AK9: variants seen among roughly 807,000 people sequenced by gnomAD.
AK9 encodes adenylate kinase domain containing 1.
Under a neutral mutation model 239.6 loss-of-function variants are expected in AK9, and 191 were observed. The observed-to-expected ratio is 0.80, with a 90% confidence interval of 0.71 to 0.90. The LOEUF (loss-of-function observed/expected upper bound fraction) is 0.90. AK9 is among the 40% of genes least tolerant of loss of function. The probability of loss-of-function intolerance (pLI) is 0.00; values close to 1 mark genes in which losing one functional copy is unlikely to be tolerated. For missense variants in AK9, 1,995 were observed against 2,214.7 expected (o/e 0.90, Z 1.99); for synonymous variants, 689 against 721.0 (o/e 0.96, Z 0.71).
At chr6:109,687,033 C>G (rs541918941) in intron 1 of AK9, among the ~76,000 whole-genome samples, 2 of 152,290 alleles carry the variant, frequency 1.3e-5, no homozygotes, top group South Asian at 4.1e-4. Context: ...GAAGAGCTGA[C>G]AGAAAATGAA....
intron 17 of AK9, among the ~76,000 whole-genome samples, chr6:109,586,982 G>A (rs192377938): frequency 6.6e-6 from 1 of 151,910 alleles, no homozygotes; most frequent in Admixed American, 6.6e-5. Flanking sequence ...TCTGCTTTTT[G>A]ATTTTTTTTT....
At chr6:109,539,970 T>C (rs1782632175) in intron 27 of AK9, among the ~76,000 whole-genome samples, 1 of 152,088 alleles carries the variant, frequency 6.6e-6, no homozygotes, top group African/African-American at 2.4e-5. Context: ...GGAAGCTTCA[T>C]CTCAGAGGGG....
At chr6:109,623,340 T>G (rs1177459051) in intron 12 of AK9, among the ~76,000 whole-genome samples, 4 of 152,186 alleles carry the variant, frequency 2.6e-5, no homozygotes, top group African/African-American at 9.7e-5. Context: ...TGATAGTGGA[T>G]GACTTTTAAG....
chr6:109,614,986 T>G lies in AK9; in HGVS notation c.1400-506A>C, dbSNP rs554483747. Among the ~76,000 whole-genome samples, 5 of 152,340 alleles carry G rather than the reference T, an allele frequency of 3.3e-5. No homozygotes were observed. The South Asian group carries it at 1.0e-3, about 32-fold the overall frequency. On this transcript the variant is annotated intron_variant, in intron 13 of 40. Coordinates refer to ENST00000424296, the MANE Select transcript of AK9 (RefSeq NM_001145128.3). The stretch of plus-strand genomic sequence containing the variant: ...TTTTAAGTTTGCAGCATATGAGAGA[T>G]AGCATCTATTGCTATATTCCAGTGG...
At chr6:109,562,612 T>C (rs1220139186) in intron 24 of AK9, among the ~76,000 whole-genome samples, 1 of 152,204 alleles carries the variant, frequency 6.6e-6, no homozygotes, top group Non-Finnish European at 1.5e-5. Context: ...GTTAAATTAC[T>C]TGGAAGCAGT....
At chr6:109,563,969 G>T in intron 23 of AK9, 111 bp downstream of exon 23, 1 of 1,162,788 alleles carries the variant, frequency 8.6e-7, no homozygotes, top group Non-Finnish European at 1.2e-6. Context: ...ATCAGCCTTG[G>T]ATATACTGAA....
At chr6:109,500,919 G>A (rs1248458732) in intron 35 of AK9, among the ~76,000 whole-genome samples, 1 of 152,188 alleles carries the variant, frequency 6.6e-6, no homozygotes, top group Non-Finnish European at 1.5e-5. Flanking sequence ...TTGAGAGGCT[G>A]AAGTGGGAGG....
chr6:109,547,434 T>C (rs1254781512), intron 25 of AK9, among the ~76,000 whole-genome samples: 2 of 152,064 alleles, frequency 1.3e-5, no homozygotes, highest in African/African-American at 4.8e-5. Context: ...AAGCACCAAA[T>C]ACGTGGAAGA....
intron 36 of AK9, 101 bp from the exon 37 acceptor site, chr6:109,498,066 G>A: frequency 9.1e-7 from 1 of 1,101,908 alleles, no homozygotes; most frequent in Non-Finnish European, 1.3e-6. Flanking sequence ...ATTTTCAGTA[G>A]CAGCGTTCTG....
At chr6:109,669,656 T>G (rs1801789752) in intron 5 of AK9, among the ~76,000 whole-genome samples, 3 of 152,206 alleles carry the variant, frequency 2.0e-5, no homozygotes, top group Non-Finnish European at 4.4e-5. Flanking sequence ...CAAGTTTATA[T>G]CCCTGTTTTG....
chr6:109,579,392 A>G (rs934544984), intron 20 of AK9, 158 bp downstream of exon 20: 4 of 605,688 alleles, frequency 6.6e-6, no homozygotes. Flanking sequence ...TTAAGAATAA[A>G]AGGTACTATA....
At chr6:109,554,798 C>T (rs967332182) in intron 24 of AK9, among the ~76,000 whole-genome samples, 1 of 152,158 alleles carries the variant, frequency 6.6e-6, no homozygotes, top group Admixed American at 6.5e-5. Context: ...TTCCAAAGTG[C>T]TGGGAGTGCA....
At chr6:109,623,183 T>C (rs1178151010) in intron 12 of AK9, among the ~76,000 whole-genome samples, 2 of 152,198 alleles carry the variant, frequency 1.3e-5, no homozygotes, top group Non-Finnish European at 2.9e-5. Context: ...GATAATTCCT[T>C]TATCTGACAC....
intron 28 of AK9, among the ~76,000 whole-genome samples, chr6:109,530,102 C>T (rs966149863): frequency 1.3e-5 from 2 of 152,130 alleles, no homozygotes; most frequent in African/African-American, 4.8e-5. Context: ...ACAATGGATC[C>T]CCTTTGATAG....
At chr6:109,561,997 A>G (rs1234534654) in intron 24 of AK9, among the ~76,000 whole-genome samples, 3 of 152,234 alleles carry the variant, frequency 2.0e-5, no homozygotes, top group Non-Finnish European at 2.9e-5. Context: ...GGAATGCTCT[A>G]AACTCTGAAA....
At chr6:109,641,426 G>T in intron 10 of AK9, 92 bp downstream of exon 10, 1 of 904,972 alleles carries the variant, frequency 1.1e-6, no homozygotes, top group Admixed American at 2.3e-5. Flanking sequence ...GGGCTCCAGT[G>T]ATCCTCCCAT....
intron 21 of AK9, 139 bp downstream of exon 21, chr6:109,573,303 T>C: frequency 1.1e-6 from 1 of 901,282 alleles, no homozygotes; most frequent in Non-Finnish European, 1.5e-6. Context: ...GGATTTGGAC[T>C]CAATGGCTGC....
At chr6:109,504,591 C>T (rs1400972441) in intron 35 of AK9, among the ~76,000 whole-genome samples, 1 of 151,834 alleles carries the variant, frequency 6.6e-6, no homozygotes, top group African/African-American at 2.4e-5. Context: ...GGTGGATCAC[C>T]CGAGGTCGGG....
intron 24 of AK9, among the ~76,000 whole-genome samples, chr6:109,558,321 C>G (rs1384197729): frequency 1.3e-5 from 2 of 152,056 alleles, no homozygotes; most frequent in Non-Finnish European, 2.9e-5. Flanking sequence ...AATCCAAGGT[C>G]TCAAAGATTC....
Sources: allele counts gnomAD v4.1 joint callset (sites outside exome capture counted in the v4.1 genomes callset), GRCh38; gene constraint gnomAD v4.1.1; transcripts MANE v1.5; gene names NCBI Gene and HGNC (gene_info 2026-07-23, HGNC 2026-07-21).